CACNA2D3: variants seen among roughly 807,000 people sequenced by gnomAD.
The protein encoded by CACNA2D3 is voltage-dependent calcium channel subunit alpha-2/delta-3.
In CACNA2D3, 60 loss-of-function variants were observed where a neutral mutation model predicts 160.6. The ratio of observed to expected loss-of-function variants is 0.37; its 90% CI spans 0.30 to 0.46. The LOEUF is 0.46. Ranked by LOEUF, CACNA2D3 falls within the 20% of genes least tolerant of loss-of-function variation. CACNA2D3 has a pLI of 1.00. For synonymous variants in CACNA2D3, 558 were observed against 492.9 expected (o/e 1.13, Z -1.75); for missense variants, 1,205 against 1,365.0 (o/e 0.88, Z 1.85).
intron 11 of CACNA2D3, among the ~76,000 whole-genome samples, chr3:54,697,453 T>C (rs887737924): frequency 2.0e-5 from 3 of 152,206 alleles, no homozygotes; most frequent in Non-Finnish European, 4.4e-5. Context: ...GAACGAACTT[T>C]AGAGCATCAG....
chr3:54,192,954 C>T (rs1420628628), intron 2 of CACNA2D3, among the ~76,000 whole-genome samples: 2 of 152,200 alleles, frequency 1.3e-5, no homozygotes, highest in African/African-American at 2.4e-5. Flanking sequence ...ATGTTAACCG[C>T]AGCCCAGCAC....
At chr3:54,227,597 T>C (rs570974946) in intron 2 of CACNA2D3, among the ~76,000 whole-genome samples, 1 of 152,162 alleles carries the variant, frequency 6.6e-6, no homozygotes, top group Non-Finnish European at 1.5e-5. Context: ...CTCTGTCGCC[T>C]AGGCTGGAGT....
chr3:54,996,116 A>G lies in CACNA2D3; in HGVS notation c.2690+8363A>G, dbSNP rs540444572. Among the ~76,000 whole-genome samples the G allele has an allele frequency of 3.6e-4, 55 of 152,372 alleles. 1 individual carries two copies. The highest frequency in any genetic ancestry group is 1.3e-3 in the African/African-American group (54 of 41,592). On this transcript the variant is annotated intron_variant, in intron 31 of 37. Coordinates refer to ENST00000474759, the MANE Select transcript of CACNA2D3 (RefSeq NM_018398.3). ...TACTAACATTTATTAAGCCTCAATG[A>G]CATGCCCCACACTGCCAAGTGCAGT...
intron 24 of CACNA2D3, among the ~76,000 whole-genome samples, chr3:54,888,342 C>T (rs1294422600): frequency 6.6e-6 from 1 of 152,160 alleles, no homozygotes; most frequent in African/African-American, 2.4e-5. Flanking sequence ...ACTTCGTTGC[C>T]TGCCTCGCCA....
intron 11 of CACNA2D3, among the ~76,000 whole-genome samples, chr3:54,706,036 C>A (rs184548131): frequency 1.3e-5 from 2 of 152,270 alleles, no homozygotes; most frequent in East Asian, 3.9e-4. Flanking sequence ...TTTTAAGAAC[C>A]ATCTTGTTCA....
intron 27 of CACNA2D3, among the ~76,000 whole-genome samples, chr3:54,947,640 A>C (rs555007181): frequency 1.4e-4 from 21 of 152,274 alleles, no homozygotes; most frequent in African/African-American, 5.1e-4. Flanking sequence ...ACTTAGTAGC[A>C]GGCAAAGGAA....
intron 11 of CACNA2D3, among the ~76,000 whole-genome samples, chr3:54,692,049 A>T (rs935342595): frequency 6.6e-6 from 1 of 151,922 alleles, no homozygotes; most frequent in Non-Finnish European, 1.5e-5. Context: ...ACCTCGGCTC[A>T]CTGCAACCTC....
At chr3:54,194,177 T>A (rs1701031136) in intron 2 of CACNA2D3, among the ~76,000 whole-genome samples, 1 of 152,098 alleles carries the variant, frequency 6.6e-6, no homozygotes, top group Admixed American at 6.6e-5. Flanking sequence ...GTGACTATAG[T>A]TAGCAACAAT....
intron 3 of CACNA2D3, among the ~76,000 whole-genome samples, chr3:54,361,178 T>C (rs1221372416): frequency 6.6e-6 from 1 of 151,348 alleles, no homozygotes; most frequent in African/African-American, 2.4e-5. Context: ...TATGGAAGGT[T>C]AAGTACCAAG....
chr3:55,004,440 C>T (rs1422612043), intron 31 of CACNA2D3, among the ~76,000 whole-genome samples: 1 of 152,150 alleles, frequency 6.6e-6, no homozygotes, highest in Admixed American at 6.5e-5. Flanking sequence ...CAGAACAGCA[C>T]ATTCCCTTTG....
intron 2 of CACNA2D3, among the ~76,000 whole-genome samples, chr3:54,292,643 C>T (rs1230621070): frequency 2.6e-5 from 4 of 152,154 alleles, no homozygotes; most frequent in Admixed American, 6.5e-5. Context: ...ACTTCACATC[C>T]ACTAGGATGA....
rs1699524682 is a variant in CACNA2D3, at chr3:54,871,214, CACACACACA to C, written c.1627-324_1627-316del. 6.3e-5 allele frequency among the ~76,000 whole-genome samples: 7 copies of C among 111,344 alleles called. 1 individual carries two copies. Among genetic ancestry groups the C allele is most frequent in the Admixed American group, 2.3e-4 (2 of 8,780 alleles). 73.0% of individuals were successfully genotyped at this position (111,344 alleles called of 152,430 possible). A position where few individuals can be genotyped will look rare whatever the true frequency, so the allele number is the denominator to read the frequency against. On this transcript the variant is annotated intron_variant, in intron 17 of 37. Transcript: ENST00000474759. ...ACACACACACACACACACACACACACACACACACACCCCCCATTCAAGGAGGGGACAGAT... is the reference window on the plus strand; with the variant it reads ...ACACACACACACACACACACACACACCCCCCCATTCAAGGAGGGGACAGAT...
chr3:54,821,755 C>G (rs1297887976), intron 14 of CACNA2D3, among the ~76,000 whole-genome samples: 1 of 149,164 alleles, frequency 6.7e-6, no homozygotes, highest in African/African-American at 2.5e-5. Flanking sequence ...CTCTCTTTCT[C>G]ATTCCTTAGG....
intron 4 of CACNA2D3, among the ~76,000 whole-genome samples, chr3:54,402,681 A>T (rs1278664949): frequency 6.6e-6 from 1 of 152,212 alleles, no homozygotes. Flanking sequence ...CAATAATAGT[A>T]AGGGACTTTA....
chr3:54,973,090 A>T (rs908037576), intron 29 of CACNA2D3, among the ~76,000 whole-genome samples: 1 of 152,120 alleles, frequency 6.6e-6, no homozygotes, highest in East Asian at 1.9e-4. Context: ...AGGGGGTAAC[A>T]TTTAAGTCAG....
At chr3:55,052,823 C>CTT (rs1704260098) in intron 35 of CACNA2D3, among the ~76,000 whole-genome samples, 1 of 152,058 alleles carries the variant, frequency 6.6e-6, no homozygotes, top group Admixed American at 6.5e-5. Flanking sequence ...TTGTGACTAA[C>CTT]ATTTTCGTGG....
chr3:55,032,442 C>G, intron 35 of CACNA2D3, among the ~76,000 whole-genome samples: 1 of 152,308 alleles, frequency 6.6e-6, no homozygotes, highest in African/African-American at 2.4e-5. Context: ...TCATGCAAAT[C>G]TCCATTAGGT....
intron 3 of CACNA2D3, among the ~76,000 whole-genome samples, chr3:54,368,847 G>T (rs377348885): frequency 2.0e-5 from 3 of 151,374 alleles, no homozygotes. Context: ...GACTATAGGC[G>T]CTTGCCACCA....
At chr3:54,274,001 T>TA (rs369545484) in intron 2 of CACNA2D3, among the ~76,000 whole-genome samples, 6,709 of 152,002 alleles carry the variant, frequency 0.044, 541 homozygotes, top group African/African-American at 0.15. Context: ...GATGTTTGAG[T>TA]GGGCGTATGG....
Sources: gnomAD v4.1 joint callset for allele counts (sites outside exome capture counted in the v4.1 genomes callset) on GRCh38, gnomAD v4.1.1 for gene constraint, MANE v1.5 for transcripts, NCBI Gene and HGNC (gene_info 2026-07-23, HGNC 2026-07-21) for gene names.